Variants in DLGAP1 observed in about 807,000 individuals in gnomAD.
The protein encoded by DLGAP1 is DLG associated protein 1, also known as disks large-associated protein 1.
In DLGAP1, 11 loss-of-function variants were observed where a neutral mutation model predicts 90.8. That is an observed-to-expected ratio of 0.12 (90% CI 0.08 to 0.20). DLGAP1 has a LOEUF of 0.20. Ranked by LOEUF, DLGAP1 falls within the 10% of genes least tolerant of loss-of-function variation. DLGAP1 has a pLI of 1.00. For missense variants in DLGAP1, 1,050 were observed against 1,333.8 expected (o/e 0.79, Z 3.31); for synonymous variants, 558 against 540.7 (o/e 1.03, Z -0.44).
In DLGAP1 at chr18:3,598,554, GC is replaced by G. The variant is rs2056724556; in HGVS notation, c.1592-16307del. 2.2e-5 allele frequency among the ~76,000 whole-genome samples: 3 copies of G among 138,246 alleles called. No individual in the cohort carries two copies. In the Admixed American group the frequency reaches 2.4e-4, roughly 11 times the overall value. The allele number at this position is 138,246 out of a possible 152,430, so 90.7% of individuals were successfully genotyped here. ...ACAATCTTGGCTCACTGCATCCTCTGCCTCCTGGGTTCAAGCTATTCTCCTG... is the reference window on the plus strand; with the variant it reads ...ACAATCTTGGCTCACTGCATCCTCTGCTCCTGGGTTCAAGCTATTCTCCTG... On this transcript the variant is annotated intron_variant, in intron 7 of 12. Transcript: ENST00000315677.
chr18:4,434,546 T>C (rs1403474830), intron 1 of DLGAP1, among the ~76,000 whole-genome samples: 1 of 152,218 alleles, frequency 6.6e-6, no homozygotes, highest in Non-Finnish European at 1.5e-5. Flanking sequence ...GAGTCTTACA[T>C]ACTTCCTGTT....
intron 1 of DLGAP1, among the ~76,000 whole-genome samples, chr18:4,260,945 T>C (rs2078990843): frequency 1.3e-5 from 2 of 152,220 alleles, no homozygotes; most frequent in South Asian, 4.1e-4. Context: ...TGGCTATAGA[T>C]GCAAATCAAC....
intron 5 of DLGAP1, among the ~76,000 whole-genome samples, chr18:3,791,008 A>C (rs1165103031): frequency 6.6e-6 from 1 of 152,178 alleles, no homozygotes; most frequent in Non-Finnish European, 1.5e-5. Flanking sequence ...GCTCCCGCAG[A>C]TGTGGTTTCT....
rs1010445607 is a variant in DLGAP1 at position 3,612,577 on chromosome 18, G to A, written c.1592-30329C>T. Among the ~76,000 whole-genome samples the A allele has an allele frequency of 8.5e-5, 13 of 152,134 alleles. 1 individual carries two copies. Among genetic ancestry groups the A allele is most frequent in the East Asian group, 3.9e-4 (2 of 5,186 alleles). ...TCCAGTATCTAGTTTAGTGCCAGGC[G>A]GGTGGTGTACAATGAAACAACAGAA... On this transcript the variant is annotated intron_variant, in intron 7 of 12. Coordinates refer to ENST00000315677, the MANE Select transcript of DLGAP1 (RefSeq NM_004746.4).
At chr18:4,104,198 T>G (rs1312899301) in intron 2 of DLGAP1, among the ~76,000 whole-genome samples, 1 of 152,084 alleles carries the variant, frequency 6.6e-6, no homozygotes, top group Non-Finnish European at 1.5e-5. Flanking sequence ...CTGAATTTCA[T>G]GCTTATTTTA....
chr18:3,637,574 C>CAAA (rs35620201), intron 7 of DLGAP1, among the ~76,000 whole-genome samples: 4 of 94,930 alleles, frequency 4.2e-5, no homozygotes, highest in Admixed American at 1.2e-4. Flanking sequence ...TCTCCCCCAC[C>CAAA]AAAAAAAAAA....
chr18:3,558,065 A>C (rs912671128), intron 9 of DLGAP1, among the ~76,000 whole-genome samples: 6 of 152,338 alleles, frequency 3.9e-5, no homozygotes, highest in Middle Eastern at 3.4e-3. Context: ...GAAGTTAACT[A>C]TATTTAGCTG....
At chr18:3,803,417 G>A (rs986662176) in intron 5 of DLGAP1, among the ~76,000 whole-genome samples, 26 of 152,182 alleles carry the variant, frequency 1.7e-4, no homozygotes, top group African/African-American at 6.0e-4. Flanking sequence ...AGTCTTCTCA[G>A]GCACTTGTAC....
chr18:3,628,139 G>T (rs1397336195), intron 7 of DLGAP1, among the ~76,000 whole-genome samples: 2 of 149,744 alleles, frequency 1.3e-5, no homozygotes, highest in Non-Finnish European at 3.0e-5. Flanking sequence ...GCCTCCCAAA[G>T]TGGTGGGATT....
intron 7 of DLGAP1, among the ~76,000 whole-genome samples, chr18:3,646,887 T>C (rs1362859567): frequency 3.3e-5 from 5 of 152,100 alleles, no homozygotes; most frequent in South Asian, 4.1e-4. Context: ...ATCGAACTAC[T>C]GCACTTCAGC....
chr18:4,117,491 C>T (rs749086597), intron 2 of DLGAP1, among the ~76,000 whole-genome samples: 1 of 152,170 alleles, frequency 6.6e-6, no homozygotes, highest in African/African-American at 2.4e-5. Flanking sequence ...CTATTTCCCA[C>T]ACAGTGTGCA....
At chr18:4,162,047 A>G (rs1289328223) in intron 1 of DLGAP1, among the ~76,000 whole-genome samples, 2 of 152,172 alleles carry the variant, frequency 1.3e-5, no homozygotes, top group Admixed American at 6.5e-5. Context: ...CATTCAACAA[A>G]TACTGAGTGG....
chr18:3,499,127 G>C lies in DLGAP1; in HGVS notation c.*58C>G. The stretch of plus-strand genomic sequence containing the variant: ...GGAGGGGGAGAGGCAGCCGGCAGAG[G>C]AGCGGCCGGGGGAGGAGGGGACAGA... On this transcript the variant is annotated 3_prime_UTR_variant, in exon 13 of 13. Transcript: ENST00000315677. The surrounding 1 kb of genome is among the most constrained non-coding windows in gnomAD (Gnocchi z 6.4). 1 of 1,422,512 alleles carries C rather than the reference G, an allele frequency of 7.0e-7. No individual in the cohort carries two copies. The highest frequency in any genetic ancestry group is 2.7e-5 in the East Asian group (1 of 36,612). The allele number at this position is 1,422,512 out of a possible 1,614,324, so 88.1% of individuals were successfully genotyped here.
At chr18:3,904,610 T>C (rs2071855724) in intron 3 of DLGAP1, among the ~76,000 whole-genome samples, 1 of 152,172 alleles carries the variant, frequency 6.6e-6, no homozygotes, top group Non-Finnish European at 1.5e-5. Context: ...AAAGAATCTA[T>C]TCAAACCAGG....
chr18:3,849,264 G>C (rs928749546), intron 4 of DLGAP1, among the ~76,000 whole-genome samples: 1 of 152,082 alleles, frequency 6.6e-6, no homozygotes, highest in African/African-American at 2.4e-5. Context: ...CTTTACTTAT[G>C]AGCAGAAGGC....
intron 2 of DLGAP1, among the ~76,000 whole-genome samples, chr18:4,097,343 T>C (rs552247334): frequency 1.5e-3 from 222 of 152,334 alleles, no homozygotes; most frequent in Non-Finnish European, 2.3e-3. Flanking sequence ...TACATCTGTC[T>C]CAGCAGATTT....
intron 1 of DLGAP1, among the ~76,000 whole-genome samples, chr18:4,240,739 G>A (rs1261625805): frequency 2.0e-5 from 3 of 152,176 alleles, no homozygotes; most frequent in Admixed American, 1.3e-4. Context: ...GAACTGAGTT[G>A]TGAGAGCACT....
chr18:3,942,590 C>T (rs1212787365), intron 3 of DLGAP1, among the ~76,000 whole-genome samples: 2 of 152,190 alleles, frequency 1.3e-5, no homozygotes, highest in African/African-American at 2.4e-5. Context: ...GTAACTTGGT[C>T]TCCCATCCGT....
intron 4 of DLGAP1, chr18:3,874,503 G>A: frequency 6.9e-7 from 1 of 1,441,422 alleles, no homozygotes; most frequent in Non-Finnish European, 9.0e-7. Flanking sequence ...GGCATAAACA[G>A]AACCAAGAAT....
Sources: gnomAD v4.1 joint callset for allele counts (sites outside exome capture counted in the v4.1 genomes callset) on GRCh38, gnomAD v4.1.1 for gene constraint, Gnocchi (gnomAD v3.1) non-coding constraint, MANE v1.5 for transcripts, NCBI Gene and HGNC (gene_info 2026-07-23, HGNC 2026-07-21) for gene names.